CPT2: variants seen among roughly 807,000 people sequenced by gnomAD.
CPT2 encodes the protein carnitine O-palmitoyltransferase 2, mitochondrial.
In CPT2, 37 loss-of-function variants were observed where a neutral mutation model predicts 48.6. The ratio of observed to expected loss-of-function variants is 0.76; its 90% CI spans 0.59 to 1.00. The LOEUF (loss-of-function observed/expected upper bound fraction) is 1.00, where lower values mean the gene tolerates loss of function less well. Ranked by LOEUF, CPT2 falls within the 50% of genes least tolerant of loss-of-function variation. The pLI is 0.00. For missense variants in CPT2, 772 were observed against 825.6 expected (o/e 0.94, Z 0.80); for synonymous variants, 319 against 326.9 (o/e 0.98, Z 0.26).
At chr1:53,203,832 CAG>C (rs1175979364) in intron 3 of CPT2, 1 of 147,310 alleles carries the variant, frequency 6.8e-6, no homozygotes, top group Non-Finnish European at 1.5e-5. Context: ...TATCTGGAAA[CAG>C]AATATGGGAA....
intron 2 of CPT2, 80 bp from the exon 3 acceptor site, chr1:53,202,241 CTA>C: frequency 9.0e-7 from 1 of 1,113,168 alleles, no homozygotes; most frequent in Non-Finnish European, 1.4e-6. Context: ...ACCCAAAACT[CTA>C]TTATGAGTTC....
intron 3 of CPT2, among the ~76,000 whole-genome samples, chr1:53,206,799 C>T (rs1477082712): frequency 1.3e-5 from 2 of 152,164 alleles, no homozygotes; most frequent in African/African-American, 4.8e-5. Flanking sequence ...TCAGATGAGA[C>T]TTTGGCTTGT....
intron 4 of CPT2, chr1:53,212,782 G>A: frequency 2.4e-6 from 1 of 413,192 alleles, no homozygotes; most frequent in East Asian, 3.5e-5. Context: ...ATTTTATAGG[G>A]AGAAAACCAA....
chr1:53,200,741 G>T lies in CPT2; in HGVS notation c.175G>T (p.Asp59Tyr). Residue 59 changes from aspartate (D) to tyrosine (Y), a missense_variant, in exon 2 of 5, where the codon GAC (aspartate) becomes TAC (tyrosine). Transcript: ENST00000371486. Reference protein sequence around the residue: ...LPRLPIPKLEDTIRRYLSAQK... With the variant: ...LPRLPIPKLEYTIRRYLSAQK... Reference sequence around the variant, plus strand: ...CAGGCTGCCTATTCCCAAACTTGAAGACACCATTAGGAGATACCTCAGTGC... The same window carrying T: ...CAGGCTGCCTATTCCCAAACTTGAATACACCATTAGGAGATACCTCAGTGC... 1.2e-6 allele frequency: 2 copies of T among 1,614,036 alleles called. No individual in the cohort carries two copies. The highest frequency in any genetic ancestry group is 1.7e-6 in the Non-Finnish European group (2 of 1,179,938).
intron 3 of CPT2, 46 bp downstream of exon 3, chr1:53,202,475 T>A (rs1054581041): frequency 1.4e-6 from 2 of 1,445,534 alleles, no homozygotes; most frequent in African/African-American, 2.8e-5. Context: ...GAGCCCTCCA[T>A]AATGAAAAGT....
rs1557713988 is a variant in CPT2 at position 53,202,322 on chromosome 1, G to A, written c.234-1G>A. 2 of 1,611,076 alleles carry A rather than the reference G, an allele frequency of 1.2e-6. No homozygotes were observed. The highest frequency in any genetic ancestry group is 1.7e-6 in the Non-Finnish European group (2 of 1,177,272). ...ATTTTGTCTTTTCTTGAATGTTTTA[G>A]GAAAACAGAACAATTTTGCAAGAGT... is the stretch of plus-strand genomic sequence containing the variant. On this transcript the variant is annotated splice_acceptor_variant, in intron 2 of 4. Transcript: ENST00000371486. LOFTEE classifies it high-confidence loss of function.
rs1398292555 is a variant in CPT2 at position 53,211,331 on chromosome 1, G to A, written c.1645+12G>A. On this transcript the variant is annotated intron_variant, in intron 4 of 4. Coordinates refer to ENST00000371486, the MANE Select transcript of CPT2 (RefSeq NM_000098.3). ...AGAAGCAGCAATGGGTGAGGCAGGG[G>A]TGGGGAGCATGCCCTTGGGTCTTGT... is the stretch of plus-strand genomic sequence containing the variant. 6.3e-7 allele frequency: 1 copy of A among 1,587,326 alleles called. No homozygotes were observed. The highest frequency in any genetic ancestry group is 1.3e-5 in the African/African-American group (1 of 74,338).
intron 2 of CPT2, chr1:53,201,249 G>C: frequency 4.1e-6 from 1 of 244,754 alleles, no homozygotes; most frequent in South Asian, 5.6e-5. Context: ...TGGAATTAGG[G>C]TTGTGGCAGA....
chr1:53,197,705 T>A (rs190391819), intron 1 of CPT2, among the ~76,000 whole-genome samples: 7 of 151,960 alleles, frequency 4.6e-5, no homozygotes, highest in African/African-American at 1.7e-4. Flanking sequence ...TGTTTTTAAA[T>A]CTTTAATCTC....
chr1:53,208,546 T>C (rs1008880915), intron 3 of CPT2: 3 of 152,242 alleles, frequency 2.0e-5, no homozygotes, highest in African/African-American at 4.8e-5. Context: ...ATATTTATAA[T>C]AGCTTTTTTA....
chr1:53,200,841 C>A (rs777823805), intron 2 of CPT2, 42 bp downstream of exon 2: 5 of 1,504,886 alleles, frequency 3.3e-6, no homozygotes, highest in South Asian at 1.1e-5. Context: ...TGGGGTGGTT[C>A]AAGACAGGCT....
At chr1:53,211,503 A>G in intron 4 of CPT2, 184 bp downstream of exon 4, 1 of 613,430 alleles carries the variant, frequency 1.6e-6, no homozygotes. Flanking sequence ...TAGGGATCAG[A>G]ATGTTCTTGC....
rs776833476 is a variant in CPT2, at chr1:53,210,341, T to A, written c.667T>A (p.Ser223Thr). The A allele has an allele frequency of 1.2e-6, 2 of 1,614,098 alleles. No homozygotes were observed. Among genetic ancestry groups the A allele is most frequent in the South Asian group, 2.2e-5 (2 of 91,078 alleles). Residue 223 changes from serine (S) to threonine (T), a missense_variant, in exon 4 of 5, where the codon TCA (serine) becomes ACA (threonine). Transcript: ENST00000371486. ...GTCCCAGTATTTTCGGCTTTTCAAC[T>A]CAACTCGTTTACCCAAACCCAGTCG... Reference protein sequence around the residue: ...DMSQYFRLFNSTRLPKPSRDE... With the variant: ...DMSQYFRLFNTTRLPKPSRDE...
Position 53,196,970 on chromosome 1 carries a change from C to G in CPT2, c.27C>G (p.Ala9=). ...TGGTGCCCCGCCTGCTGCTGCGCGC[C>G]TGGCCCCGGGGCCCCGCGGTTGGTC... MVPRLLLR[A]WPRGPAVGPG... The change falls in exon 1 of 5, where the codon GCC becomes GCG. Residue 9 remains alanine (A), a synonymous_variant. Transcript: ENST00000371486. The G allele has an allele frequency of 1.3e-6, 2 of 1,531,446 alleles. No individual in the cohort carries two copies. The highest frequency in any genetic ancestry group is 1.7e-6 in the Non-Finnish European group (2 of 1,146,218). 94.9% of individuals were successfully genotyped at this position (1,531,446 alleles called of 1,614,324 possible). A position where few individuals can be genotyped will look rare whatever the true frequency, so the allele number is the denominator to read the frequency against.
intron 4 of CPT2, chr1:53,211,602 T>A: frequency 1.8e-5 from 2 of 109,214 alleles, no homozygotes; most frequent in Admixed American, 1.0e-4. Flanking sequence ...TTTTCTTTCT[T>A]TTTTTTTTTT....
intron 1 of CPT2, among the ~76,000 whole-genome samples, chr1:53,199,507 A>T (rs2100258498): frequency 6.6e-6 from 1 of 152,326 alleles, no homozygotes; most frequent in South Asian, 2.1e-4. Context: ...AGAAATTTTT[A>T]AGTAGGACTT....
At position 53,213,952 on chromosome 1, in the gene CPT2, G is replaced by A; in HGVS notation, c.*357G>A. The A allele has an allele frequency of 3.4e-6, 1 of 291,946 alleles. No individual in the cohort carries two copies. The highest frequency in any genetic ancestry group is 6.6e-6 in the Non-Finnish European group (1 of 152,110). The allele number at this position is 291,946 out of a possible 1,614,324, so 18.1% of individuals were successfully genotyped here. A position where few individuals can be genotyped will look rare whatever the true frequency, so the allele number is the denominator to read the frequency against. ...AAAACAAAAAAGAAAAAAAAACTGG[G>A]GCCTGTGTAGCCAGTGGGTGCTATT... On this transcript the variant is annotated 3_prime_UTR_variant, in exon 5 of 5. Coordinates refer to ENST00000371486, the MANE Select transcript of CPT2 (RefSeq NM_000098.3).
At chr1:53,209,859 CTTGAATTATT>C in intron 3 of CPT2, 146 bp from the exon 4 acceptor site, 2 of 659,142 alleles carry the variant, frequency 3.0e-6, no homozygotes, top group Non-Finnish European at 5.3e-6. Context: ...ATTTGTATGT[CTTGAATTATT>C]GCAGAGCAAA....
chr1:53,203,647 A>G (rs540451990), intron 3 of CPT2: 6 of 152,264 alleles, frequency 3.9e-5, no homozygotes, highest in Non-Finnish European at 4.4e-5. Flanking sequence ...TGGATTTGTG[A>G]ACCTCTTGGC....
Sources: gnomAD v4.1 joint callset for allele counts (sites outside exome capture counted in the v4.1 genomes callset) on GRCh38, gnomAD v4.1.1 for gene constraint, MANE v1.5 for transcripts, NCBI Gene and HGNC (gene_info 2026-07-23, HGNC 2026-07-21) for gene names.